CEMIP2: variants seen among roughly 807,000 people sequenced by gnomAD.
CEMIP2 encodes the protein cell migration inducing hyaluronidase 2.
CEMIP2 carries 79 observed loss-of-function variants against 146.9 expected under a neutral mutation model. The observed-to-expected ratio is 0.54, with a 90% CI of 0.45 to 0.65. CEMIP2 has a LOEUF of 0.65. Among genes scored for constraint, CEMIP2 ranks in the 30% least tolerant of loss-of-function variants. CEMIP2 has a pLI of 0.00. For synonymous variants in CEMIP2, 601 were observed against 606.3 expected (o/e 0.99, Z 0.13); for missense variants, 1,596 against 1,696.2 (o/e 0.94, Z 1.04).
At chr9:71,711,941 G>A in intron 16 of CEMIP2, 142 bp downstream of exon 16, 1 of 816,888 alleles carries the variant, frequency 1.2e-6, no homozygotes. Flanking sequence ...AGAGTGCATG[G>A]AATTAGGAGC....
At chr9:71,719,260 A>G (rs780436333) in intron 12 of CEMIP2, among the ~76,000 whole-genome samples, 44 of 152,222 alleles carry the variant, frequency 2.9e-4, no homozygotes, top group Non-Finnish European at 5.7e-4. Context: ...GGTGCTCACT[A>G]AATGGATATG....
At chr9:71,752,587 G>A (rs913139242) in intron 1 of CEMIP2, among the ~76,000 whole-genome samples, 2 of 151,712 alleles carry the variant, frequency 1.3e-5, no homozygotes, top group Admixed American at 6.6e-5. Flanking sequence ...CAGAAACATG[G>A]TGTTTAACCT....
At chr9:71,708,044 G>A (rs949830107) in intron 17 of CEMIP2, among the ~76,000 whole-genome samples, 3 of 152,148 alleles carry the variant, frequency 2.0e-5, no homozygotes, top group African/African-American at 7.2e-5. Context: ...AAAACTAGCC[G>A]GGCATGGTGG....
intron 10 of CEMIP2, among the ~76,000 whole-genome samples, chr9:71,728,870 T>TA (rs1248004991): frequency 6.6e-6 from 1 of 151,400 alleles, no homozygotes; most frequent in Non-Finnish European, 1.5e-5. Flanking sequence ...CTCACTCTGT[T>TA]ACCCGGGCTG....
At chr9:71,737,093 C>T (rs573072421) in intron 5 of CEMIP2, among the ~76,000 whole-genome samples, 52 of 147,616 alleles carry the variant, frequency 3.5e-4, no homozygotes, top group Admixed American at 7.5e-4. Flanking sequence ...GAGGTCAAGG[C>T]TGCAGTGAGT....
At chr9:71,762,158 C>G (rs886166301) in intron 1 of CEMIP2, among the ~76,000 whole-genome samples, 2 of 152,110 alleles carry the variant, frequency 1.3e-5, no homozygotes, top group Non-Finnish European at 2.9e-5. Context: ...TCCTAGGCCA[C>G]GTGAAACCTA....
intron 10 of CEMIP2, among the ~76,000 whole-genome samples, chr9:71,725,982 A>G (rs1823372194): frequency 6.6e-6 from 1 of 152,232 alleles, no homozygotes; most frequent in Admixed American, 6.5e-5. Context: ...AAACTTTTCC[A>G]TCATTATCTA....
intron 1 of CEMIP2, among the ~76,000 whole-genome samples, chr9:71,760,439 A>G (rs1464664051): frequency 1.3e-5 from 2 of 151,904 alleles, no homozygotes; most frequent in Non-Finnish European, 2.9e-5. Flanking sequence ...TTAAAGAAAT[A>G]TTTAAAATTC....
chr9:71,748,641 C>G (rs1824156646), intron 2 of CEMIP2, among the ~76,000 whole-genome samples: 1 of 152,156 alleles, frequency 6.6e-6, no homozygotes, highest in Admixed American at 6.5e-5. Context: ...TGAATCAGCA[C>G]AGAGAACTTG....
Position 71,730,794 on chromosome 9 carries a change from C to T in CEMIP2, c.1684G>A (p.Gly562Arg). The change falls in exon 8 of 24, where the codon GGA becomes AGA. Residue 562 changes from glycine to arginine, a missense_variant. Coordinates refer to ENST00000377044, the MANE Select transcript of CEMIP2 (RefSeq NM_013390.3). ...TCCACAAATGTTGCATGTCTGTATCCTCCTTTATAATCCACGTCACCACAC... is the reference window on the plus strand; with the variant it reads ...TCCACAAATGTTGCATGTCTGTATCTTCCTTTATAATCCACGTCACCACAC... ...HLCGDVDYKGGYRHATFVDGL... is the reference protein window; with the variant it reads ...HLCGDVDYKGRYRHATFVDGL... 1 of 1,614,204 alleles carries T rather than the reference C, an allele frequency of 6.2e-7. No homozygotes were observed. The highest frequency in any genetic ancestry group is 8.5e-7 in the Non-Finnish European group (1 of 1,180,046).
chr9:71,748,530 A>G (rs1053244448), intron 2 of CEMIP2, among the ~76,000 whole-genome samples: 2 of 152,216 alleles, frequency 1.3e-5, no homozygotes, highest in African/African-American at 4.8e-5. Context: ...GAAAACACCA[A>G]TCAAAGCCAT....
chr9:71,745,282 T>A lies in CEMIP2; in HGVS notation c.770A>T (p.Tyr257Phe). The part of the protein sequence containing the change: ...LNSSGLPFGS[Y>F]TFEKDFSRGL... Reference sequence around the variant, plus strand: ...CCGGGAAAAGTCCTTTTCAAAGGTATAGGACCCAAAGGGCAAGCCTGAGGA... The same window carrying A: ...CCGGGAAAAGTCCTTTTCAAAGGTAAAGGACCCAAAGGGCAAGCCTGAGGA... Residue 257 changes from tyrosine (Y) to phenylalanine (F), a missense_variant, in exon 4 of 24, where the codon TAT becomes TTT. Transcript: ENST00000377044. The A allele has an allele frequency of 6.2e-7, 1 of 1,614,126 alleles. No individual in the cohort carries two copies. Among genetic ancestry groups the A allele is most frequent in the Non-Finnish European group, 8.5e-7 (1 of 1,180,018 alleles).
At position 71,741,631 on chromosome 9, in the gene CEMIP2, G is replaced by GTTTTTT. The variant is rs11334265; in HGVS notation, c.1035-1405_1035-1400dup. ...CACCATTATTTCTTTTTCTTTTCTG[G>GTTTTTT]TTTTTTTTTTTTTTTTTTTTTTTTG... On this transcript the variant is annotated intron_variant, in intron 4 of 23. Transcript: ENST00000377044. 1.2e-3 allele frequency among the ~76,000 whole-genome samples: 89 copies of GTTTTTT among 73,164 alleles called. 2 individuals carry two copies. Among genetic ancestry groups the GTTTTTT allele is most frequent in the South Asian group, 3.3e-3 (6 of 1,834 alleles). The allele number at this position is 73,164 out of a possible 152,430, so 48.0% of individuals were successfully genotyped here. A position where few individuals can be genotyped will look rare whatever the true frequency, so the allele number is the denominator to read the frequency against.
At chr9:71,708,320 T>C (rs1201899637) in intron 17 of CEMIP2, among the ~76,000 whole-genome samples, 1 of 152,232 alleles carries the variant, frequency 6.6e-6, no homozygotes, top group Non-Finnish European at 1.5e-5. Context: ...TCCACCAAAA[T>C]GTCACTATTA....
At chr9:71,751,312 T>A (rs1185324790) in intron 1 of CEMIP2, among the ~76,000 whole-genome samples, 1 of 152,188 alleles carries the variant, frequency 6.6e-6, no homozygotes, top group East Asian at 1.9e-4. Flanking sequence ...TCAGCTTACA[T>A]CCCTGATCTA....
chr9:71,727,014 G>C (rs1408199592), intron 10 of CEMIP2, among the ~76,000 whole-genome samples: 1 of 152,052 alleles, frequency 6.6e-6, no homozygotes, highest in Non-Finnish European at 1.5e-5. Context: ...GCAGTGGAAA[G>C]GTACAATGAA....
intron 7 of CEMIP2, among the ~76,000 whole-genome samples, chr9:71,731,608 G>A (rs1266528224): frequency 6.6e-6 from 1 of 151,946 alleles, no homozygotes; most frequent in Non-Finnish European, 1.5e-5. Context: ...GTGTACACCT[G>A]TAGTCCCAGC....
chr9:71,698,086 A>C lies in CEMIP2; in HGVS notation c.3496T>G (p.Cys1166Gly). Reference protein sequence around the residue: ...AATDSKDISNCMAKAYPQYYR... With the variant: ...AATDSKDISNGMAKAYPQYYR... The stretch of plus-strand genomic sequence containing the variant: ...TACTGTGGGTATGCTTTGGCCATGC[A>C]GTTACTGATGTCCTTTGAGTCTGTG... The change falls in exon 20 of 24, where the codon TGC becomes GGC. Residue 1166 changes from cysteine (C) to glycine (G), a missense_variant. Coordinates refer to ENST00000377044, the MANE Select transcript of CEMIP2 (RefSeq NM_013390.3). 6.2e-7 allele frequency: 1 copy of C among 1,614,188 alleles called. No individual in the cohort carries two copies. The highest frequency in any genetic ancestry group is 8.5e-7 in the Non-Finnish European group (1 of 1,180,026).
intron 13 of CEMIP2, 23 bp from the exon 14 acceptor site, chr9:71,716,575 G>T (rs758342749): frequency 1.2e-5 from 19 of 1,570,760 alleles, no homozygotes; most frequent in Non-Finnish European, 1.6e-5. Flanking sequence ...AGAGAATGAA[G>T]AACATTTTAA....
Sources: allele counts gnomAD v4.1 joint callset (sites outside exome capture counted in the v4.1 genomes callset), GRCh38; gene constraint gnomAD v4.1.1; transcripts MANE v1.5; gene names NCBI Gene and HGNC (gene_info 2026-07-23, HGNC 2026-07-21).